Variants in SUPT3H observed in about 807,000 individuals in gnomAD.
SUPT3H encodes the protein SPT3 homolog, SAGA and STAGA complex component.
In SUPT3H, 44 loss-of-function variants were observed where a neutral mutation model predicts 44.3. The ratio of observed to expected loss-of-function variants is 0.99; its 90% CI spans 0.78 to 1.28. The LOEUF (loss-of-function observed/expected upper bound fraction) is 1.28. Ranked by LOEUF, SUPT3H falls within the 50% of genes most tolerant of loss-of-function variation. SUPT3H has a pLI of 0.00. For synonymous variants in SUPT3H, 124 were observed against 125.6 expected (o/e 0.99, Z 0.09); for missense variants, 380 against 387.1 (o/e 0.98, Z 0.15).
At chr6:45,317,321 A>C (rs891572802) in intron 2 of SUPT3H, among the ~76,000 whole-genome samples, 1 of 151,772 alleles carries the variant, frequency 6.6e-6, no homozygotes, top group Non-Finnish European at 1.5e-5. Flanking sequence ...ATCTAATGAC[A>C]CTTTCCACAG....
chr6:45,227,910 A>T (rs981758751), intron 2 of SUPT3H, among the ~76,000 whole-genome samples: 1 of 152,240 alleles, frequency 6.6e-6, no homozygotes, highest in African/African-American at 2.4e-5. Context: ...TATTAAAAAT[A>T]AAACAAAATG....
intron 2 of SUPT3H, among the ~76,000 whole-genome samples, chr6:45,264,126 A>T (rs1457305556): frequency 2.6e-5 from 4 of 152,216 alleles, no homozygotes; most frequent in Non-Finnish European, 5.9e-5. Context: ...GCTATGAATT[A>T]ATTAATGAAA....
chr6:45,068,751 G>T (rs1013991714), intron 3 of SUPT3H, among the ~76,000 whole-genome samples: 1 of 151,920 alleles, frequency 6.6e-6, no homozygotes, highest in African/African-American at 2.4e-5. Flanking sequence ...CTCATAGTGT[G>T]TGGACTTCAC....
chr6:44,866,176 T>C (rs10948176), intron 10 of SUPT3H, among the ~76,000 whole-genome samples: 32,018 of 150,516 alleles, frequency 0.21, 3,998 homozygotes, highest in Non-Finnish European at 0.29. Context: ...AACTGGGGGC[T>C]TGAAAAGAGT....
intron 2 of SUPT3H, among the ~76,000 whole-genome samples, chr6:45,118,871 C>T (rs1049064460): frequency 6.6e-6 from 1 of 152,168 alleles, no homozygotes; most frequent in African/African-American, 2.4e-5. Flanking sequence ...ATATTATTAG[C>T]AGCAGAGGCT....
intron 2 of SUPT3H, among the ~76,000 whole-genome samples, chr6:45,170,625 T>C (rs2153605950): frequency 6.6e-6 from 1 of 152,280 alleles, no homozygotes; most frequent in African/African-American, 2.4e-5. Flanking sequence ...ACCAAGGGTG[T>C]TTAGGTTCAT....
chr6:44,896,179 A>C (rs1261184106), intron 10 of SUPT3H, among the ~76,000 whole-genome samples: 4 of 152,174 alleles, frequency 2.6e-5, no homozygotes, highest in African/African-American at 9.7e-5. Flanking sequence ...TGAAATAAAT[A>C]TGTGCAAATA....
rs1036778738 is a variant in SUPT3H, at chr6:45,325,988, G to C, written c.101+39213C>G. Among the ~76,000 whole-genome samples, 69 of 151,684 alleles carry C rather than the reference G, an allele frequency of 4.5e-4. 1 individual carries two copies. Among genetic ancestry groups the C allele is most frequent in the Non-Finnish European group, 1.5e-5 (1 of 67,796 alleles). On this transcript the variant is annotated intron_variant, in intron 2 of 10. Coordinates refer to ENST00000371459, the MANE Select transcript of SUPT3H (RefSeq NM_003599.4). ...GCTAGAATTTGATAGGCCTCACAGA[G>C]GACAAAAAGTGCATATATAACAATA...
chr6:45,250,356 T>A (rs1772135186), intron 2 of SUPT3H, among the ~76,000 whole-genome samples: 2 of 145,382 alleles, frequency 1.4e-5, no homozygotes. Flanking sequence ...AAAAGAAACA[T>A]TAAGGCAATA....
chr6:45,124,807 T>A (rs1036466447), intron 2 of SUPT3H, among the ~76,000 whole-genome samples: 2 of 152,072 alleles, frequency 1.3e-5, no homozygotes, highest in African/African-American at 4.8e-5. Flanking sequence ...CCTCAGAATA[T>A]GACCTTATTT....
intron 2 of SUPT3H, among the ~76,000 whole-genome samples, chr6:45,212,479 C>CTGTGTGTGTG (rs1484879670): frequency 5.7e-5 from 8 of 139,958 alleles, no homozygotes; most frequent in East Asian, 4.1e-4. Flanking sequence ...TCCACCTCCA[C>CTGTGTGTGTG]TATGTGTGTG....
In SUPT3H at chr6:44,953,328, C is replaced by T; in HGVS notation, c.783G>A (p.Gln261=). The T allele has an allele frequency of 6.2e-7, 1 of 1,613,878 alleles. No individual in the cohort carries two copies. ...FSHAISATFI[Q]YHNSAESTAA... ...TACTTACCTCAGCAGAGTTGTGATA[C>T]TGAATGAAGGTTGCAGAAATGGCAT... The change falls in exon 9 of 11, where the codon CAG becomes CAA. Residue 261 remains glutamine, a synonymous_variant. Coordinates refer to ENST00000371459, the MANE Select transcript of SUPT3H (RefSeq NM_003599.4).
chr6:45,338,595 A>G (rs1257468545), intron 2 of SUPT3H, among the ~76,000 whole-genome samples: 1 of 152,092 alleles, frequency 6.6e-6, no homozygotes, highest in South Asian at 2.1e-4. Flanking sequence ...GAATTTAGGA[A>G]GCTCTGAGGG....
chr6:45,186,397 C>T (rs989267625), intron 2 of SUPT3H, among the ~76,000 whole-genome samples: 2 of 151,880 alleles, frequency 1.3e-5, no homozygotes, highest in African/African-American at 2.4e-5. Flanking sequence ...TTTCAAAAAA[C>T]CTTCAAAAAT....
chr6:44,916,880 T>C (rs2153455116), intron 10 of SUPT3H, among the ~76,000 whole-genome samples: 1 of 152,246 alleles, frequency 6.6e-6, no homozygotes, highest in South Asian at 2.1e-4. Context: ...ATGTCTGTAA[T>C]TTCCCAGTAC....
At chr6:44,971,202 T>C (rs1027536237) in intron 6 of SUPT3H, among the ~76,000 whole-genome samples, 3 of 152,192 alleles carry the variant, frequency 2.0e-5, no homozygotes, top group Non-Finnish European at 2.9e-5. Flanking sequence ...GCATTTTCAA[T>C]CAGCTCTATC....
At chr6:45,312,783 T>A (rs748415926) in intron 2 of SUPT3H, among the ~76,000 whole-genome samples, 1 of 143,470 alleles carries the variant, frequency 7.0e-6, no homozygotes, top group African/African-American at 2.6e-5. Flanking sequence ...TTGGAACAAA[T>A]AGACTTTGAG....
rs368825221 is a variant in SUPT3H, at chr6:45,012,207, T to C, written c.364+2594A>G. ...TGAATTAGTAGACTGGTAGTTTTCA[T>C]CAAATTTGGGAGGTTTTCAGTCATT... On this transcript the variant is annotated intron_variant, in intron 5 of 10. Transcript: ENST00000371459. Among the ~76,000 whole-genome samples, 283 of 152,054 alleles carry C rather than the reference T, an allele frequency of 1.9e-3. 1 individual carries two copies. The highest frequency in any genetic ancestry group is 6.3e-3 in the African/African-American group (262 of 41,526).
chr6:45,029,352 T>TAC (rs1786559149), intron 3 of SUPT3H, among the ~76,000 whole-genome samples: 1 of 150,202 alleles, frequency 6.7e-6, no homozygotes, highest in South Asian at 2.1e-4. Context: ...TGTATATATA[T>TAC]ATATATATAC....
Sources: allele counts gnomAD v4.1 joint callset (sites outside exome capture counted in the v4.1 genomes callset), GRCh38; gene constraint gnomAD v4.1.1; transcripts MANE v1.5; gene names NCBI Gene and HGNC (gene_info 2026-07-23, HGNC 2026-07-21).